Variants in ALDH3A2 observed in about 807,000 individuals in gnomAD.
ALDH3A2 encodes the protein aldehyde dehydrogenase family 3 member A2.
ALDH3A2 carries 36 observed loss-of-function variants against 51.3 expected under a neutral mutation model. The observed-to-expected ratio is 0.70, with a 90% CI of 0.54 to 0.93. The LOEUF (loss-of-function observed/expected upper bound fraction) is 0.93. Among genes scored for constraint, ALDH3A2 ranks in the 40% least tolerant of loss-of-function variants. The pLI, the probability that ALDH3A2 is intolerant of heterozygous loss-of-function variation, is 0.00. For missense variants in ALDH3A2, 552 were observed against 603.1 expected (o/e 0.92, Z 0.89); for synonymous variants, 199 against 219.8 (o/e 0.91, Z 0.84).
At position 19,654,530 on chromosome 17, in the gene ALDH3A2, C is replaced by T. The variant is rs997101475; in HGVS notation, c.472-1836C>T. 7.2e-5 allele frequency among the ~76,000 whole-genome samples: 11 copies of T among 152,166 alleles called. No individual in the cohort carries two copies. Among genetic ancestry groups the T allele is most frequent in the South Asian group, 2.1e-4 (1 of 4,832 alleles). ...GGTGGGCTGGCATTGCTGGGGGACCCGGGGCACCCTCCTCAGCAGCTGGCC... is the reference window on the plus strand; with the variant it reads ...GGTGGGCTGGCATTGCTGGGGGACCTGGGGCACCCTCCTCAGCAGCTGGCC... On this transcript the variant is annotated intron_variant, in intron 3 of 9. Transcript: ENST00000176643. The surrounding 1 kb of genome is among the most constrained non-coding windows in gnomAD (Gnocchi z 4.5).
chr17:19,661,103 A>G, intron 5 of ALDH3A2, 24 bp from the exon 6 acceptor site: 1 of 1,602,426 alleles, frequency 6.2e-7, no homozygotes, highest in Non-Finnish European at 8.5e-7. Context: ...TGTGACATTT[A>G]TATACTCCTG....
Position 19,671,786 on chromosome 17 carries a change from T to A in ALDH3A2, c.1273T>A (p.Cys425Ser). Residue 425 changes from cysteine to serine, a missense_variant, in exon 9 of 10, where the codon TGT becomes AGT. Cys to Ser is a moderately radical substitution (Grantham distance 112). Coordinates refer to ENST00000176643, the MANE Select transcript of ALDH3A2 (RefSeq NM_000382.3). Reference sequence around the variant, plus strand: ...TGATACTTTTTCTCATCAGCGTCCCTGTTTATTAAAAAGTTTAAAGAGAGA... The same window carrying A: ...TGATACTTTTTCTCATCAGCGTCCCAGTTTATTAAAAAGTTTAAAGAGAGA... ...SFDTFSHQRP[C>S]LLKSLKREGA... 6.2e-7 allele frequency: 1 copy of A among 1,614,190 alleles called. No homozygotes were observed. The highest frequency in any genetic ancestry group is 1.7e-5 in the Admixed American group (1 of 60,010).
At chr17:19,657,474 C>T (rs1360371404) in intron 4 of ALDH3A2, among the ~76,000 whole-genome samples, 1 of 152,212 alleles carries the variant, frequency 6.6e-6, no homozygotes, top group East Asian at 1.9e-4. Flanking sequence ...TTTCCTGCAG[C>T]AGGCAATGGC....
In ALDH3A2 at chr17:19,671,948, C is replaced by T; in HGVS notation, c.1435C>T (p.Leu479Phe). The T allele has an allele frequency of 6.2e-7, 1 of 1,614,002 alleles. No individual in the cohort carries two copies. Among genetic ancestry groups the T allele is most frequent in the Non-Finnish European group, 8.5e-7 (1 of 1,179,904 alleles). Residue 479 changes from leucine to phenylalanine, a missense_variant, in exon 9 of 10, where the codon CTT becomes TTT. Physicochemically the swap from Leu to Phe is conservative, Grantham distance 22. Transcript: ENST00000176643. ...LTFLGIVAAVLVKAEYY is the reference protein window; with the variant it reads ...LTFLGIVAAVFVKAEYY Reference sequence around the variant, plus strand: ...TTTCCTGGGTATTGTAGCCGCTGTGCTTGTCAAGGTGAGTCCCTATAACCC... The same window carrying T: ...TTTCCTGGGTATTGTAGCCGCTGTGTTTGTCAAGGTGAGTCCCTATAACCC...
chr17:19,664,030 T>C (rs1464789579), intron 7 of ALDH3A2, among the ~76,000 whole-genome samples: 1 of 152,224 alleles, frequency 6.6e-6, no homozygotes, highest in Non-Finnish European at 1.5e-5. Flanking sequence ...CACTCATTCA[T>C]GTCACTAGGT....
At chr17:19,673,121 T>C (rs556533236) in intron 9 of ALDH3A2, 5 of 1,614,092 alleles carry the variant, frequency 3.1e-6, no homozygotes, top group Admixed American at 1.7e-5. Context: ...GAGATACCAG[T>C]TGCATTTGAA....
chr17:19,661,064 G>A (rs1022672593), intron 5 of ALDH3A2, 63 bp from the exon 6 acceptor site: 74 of 1,533,078 alleles, frequency 4.8e-5, no homozygotes, highest in Non-Finnish European at 6.0e-5. Context: ...GCTGGATTTT[G>A]TACTTACTGA....
intron 7 of ALDH3A2, among the ~76,000 whole-genome samples, chr17:19,663,841 C>T (rs1483444149): frequency 6.6e-6 from 1 of 152,218 alleles, no homozygotes; most frequent in Non-Finnish European, 1.5e-5. Flanking sequence ...CAGGGCATTG[C>T]TGAATAACAG....
At chr17:19,670,571 T>A (rs903080497) in intron 8 of ALDH3A2, among the ~76,000 whole-genome samples, 5 of 151,196 alleles carry the variant, frequency 3.3e-5, no homozygotes, top group Non-Finnish European at 7.4e-5. Flanking sequence ...TTCTTTTTTT[T>A]TTTTTTTTTG....
chr17:19,674,646 A>G (rs2085164198), intron 9 of ALDH3A2: 1 of 152,150 alleles, frequency 6.6e-6, no homozygotes, highest in South Asian at 2.1e-4. Context: ...CTTCCGCTCA[A>G]TTCTCATTAC....
chr17:19,677,574 A>C lies in ALDH3A2; in HGVS notation c.*2002A>C, dbSNP rs1256986637. 1 of 152,066 alleles carries C rather than the reference A, an allele frequency of 6.6e-6. No homozygotes were observed. Among genetic ancestry groups the C allele is most frequent in the East Asian group, 1.9e-4 (1 of 5,192 alleles). The allele number at this position is 152,066 out of a possible 1,614,324, so 9.4% of individuals were successfully genotyped here. A position where few individuals can be genotyped will look rare whatever the true frequency, so the allele number is the denominator to read the frequency against. ...TGATCATAAATTCTCCCCAACTATA[A>C]ATCATTTTATGTCTTTATCATAGAT... On this transcript the variant is annotated 3_prime_UTR_variant, in exon 10 of 10. Coordinates refer to ENST00000176643, the MANE Select transcript of ALDH3A2 (RefSeq NM_000382.3).
chr17:19,652,668 T>A, intron 3 of ALDH3A2, 36 bp downstream of exon 3: 1 of 1,490,628 alleles, frequency 6.7e-7, no homozygotes, highest in South Asian at 1.1e-5. Context: ...ACATATGTGT[T>A]TACTGTGGAA....
chr17:19,675,879 C>G lies in ALDH3A2; in HGVS notation c.*307C>G. The stretch of plus-strand genomic sequence containing the variant: ...AAACTGCGGGGTTGTAAGGGAGTCT[C>G]AGAACCTCACTGAATCCTTCACTCC... On this transcript the variant is annotated 3_prime_UTR_variant, in exon 10 of 10. Transcript: ENST00000176643. The G allele has an allele frequency of 2.4e-6, 1 of 415,680 alleles. No individual in the cohort carries two copies. Among genetic ancestry groups the G allele is most frequent in the Non-Finnish European group, 4.5e-6 (1 of 223,434 alleles). The allele number at this position is 415,680 out of a possible 1,614,324, so 25.7% of individuals were successfully genotyped here. A position where few individuals can be genotyped will look rare whatever the true frequency, so the allele number is the denominator to read the frequency against.
chr17:19,655,783 G>A (rs1416634775), intron 3 of ALDH3A2, among the ~76,000 whole-genome samples: 3 of 152,210 alleles, frequency 2.0e-5, no homozygotes, highest in Non-Finnish European at 4.4e-5. Flanking sequence ...CAGAAGCTAC[G>A]TGAATTCTCC....
chr17:19,651,522 AT>A (rs1409704328), intron 1 of ALDH3A2, 24 bp from the exon 2 acceptor site: 4 of 1,581,898 alleles, frequency 2.5e-6, no homozygotes. Flanking sequence ...ACTCTGCAAG[AT>A]TAACTGTGAT....
intron 6 of ALDH3A2, among the ~76,000 whole-genome samples, chr17:19,662,505 A>T (rs1294828718): frequency 2.0e-5 from 3 of 152,154 alleles, no homozygotes; most frequent in African/African-American, 4.8e-5. Flanking sequence ...TACTTACAGC[A>T]TCTTTTGGAG....
rs1256284201 is a variant in ALDH3A2, at chr17:19,651,615, T to G, written c.222T>G (p.Asn74Lys). Residue 74 changes from asparagine (N) to lysine (K), a missense_variant, in exon 2 of 10, where the codon AAT (asparagine) becomes AAG (lysine). Asn to Lys is a moderately conservative substitution (Grantham distance 94, BLOSUM62 0). Coordinates refer to ENST00000176643, the MANE Select transcript of ALDH3A2 (RefSeq NM_000382.3). ...VLGEIDFMLE[N>K]LPEWVTAKPV... ...GGGAAATTGATTTTATGCTTGAGAA[T>G]CTTCCTGAATGGGTTACTGCTAAAC... 1 of 1,614,108 alleles carries G rather than the reference T, an allele frequency of 6.2e-7. No individual in the cohort carries two copies. The highest frequency in any genetic ancestry group is 8.5e-7 in the Non-Finnish European group (1 of 1,180,050).
At chr17:19,655,758 G>C (rs996490963) in intron 3 of ALDH3A2, among the ~76,000 whole-genome samples, 2 of 152,204 alleles carry the variant, frequency 1.3e-5, no homozygotes, top group African/African-American at 4.8e-5. Flanking sequence ...ACAATGCATA[G>C]ATGGGCTCAG....
intron 7 of ALDH3A2, among the ~76,000 whole-genome samples, chr17:19,664,440 T>C (rs1483154271): frequency 2.6e-5 from 4 of 152,232 alleles, no homozygotes; most frequent in African/African-American, 9.6e-5. Context: ...TCTTGTGCTT[T>C]TCTGAGCCTT....
Sources: allele counts gnomAD v4.1 joint callset (sites outside exome capture counted in the v4.1 genomes callset), GRCh38; gene constraint gnomAD v4.1.1; non-coding constraint Gnocchi (gnomAD v3.1); transcripts MANE v1.5; gene names NCBI Gene and HGNC (gene_info 2026-07-23, HGNC 2026-07-21).